The following TACC2 variants were observed in gnomAD, a reference collection of about 807,000 sequenced individuals.
TACC2 encodes the protein transforming acidic coiled-coil-containing protein 2.
In TACC2, 137 loss-of-function variants were observed where a neutral mutation model predicts 227.3. The ratio of observed to expected loss-of-function variants is 0.60; its 90% CI spans 0.52 to 0.69. TACC2 has a LOEUF of 0.69. TACC2 is among the 30% of genes least tolerant of loss of function. TACC2 has a pLI of 0.00. For synonymous variants in TACC2, 1,523 were observed against 1,487.5 expected, an observed-to-expected ratio of 1.02 and a Z score of -0.55; for missense variants, 3,470 against 3,694.4, an observed-to-expected ratio of 0.94 and a Z score of 1.57.
intron 12 of TACC2, 35 bp downstream of exon 12, chr10:122,224,822 C>T (rs746979732): frequency 1.4e-5 from 22 of 1,575,504 alleles, no homozygotes; most frequent in South Asian, 5.5e-5. Context: ...TTAGGGGACT[C>T]GCTTTCCTGC....
intron 16 of TACC2, among the ~76,000 whole-genome samples, chr10:122,234,602 C>T (rs1431509603): frequency 6.6e-6 from 1 of 152,222 alleles, no homozygotes; most frequent in Non-Finnish European, 1.5e-5. Flanking sequence ...GGCAGTAATT[C>T]AAGAGGGCTC....
chr10:122,216,132 G>A (rs2095400867), intron 10 of TACC2, among the ~76,000 whole-genome samples: 1 of 152,130 alleles, frequency 6.6e-6, no homozygotes, highest in South Asian at 2.1e-4. Flanking sequence ...TGGGGATAGG[G>A]GCTCAGGTCC....
At position 122,083,057 on chromosome 10, in the gene TACC2, C is replaced by CCTCCTT. The variant is rs756169189; in HGVS notation, c.568_573dup (p.Phe190_Ser191dup). 1.8e-5 allele frequency: 29 copies of CCTCCTT among 1,612,752 alleles called. 1 individual carries two copies. In the East Asian group the frequency reaches 3.6e-4, roughly 20 times the overall value. On this transcript the variant is annotated inframe_insertion, in exon 4 of 23. Coordinates refer to ENST00000369005, the MANE Select transcript of TACC2 (RefSeq NM_206862.4). Reference sequence around the variant, plus strand: ...CAGCCGAAGGAAGAAGGACAGAAGTCCTCCTTCTCCTTCTCCAGTGGCATC... The same window carrying CCTCCTT: ...CAGCCGAAGGAAGAAGGACAGAAGTCCTCCTTCTCCTTCTCCTTCTCCAGTGGCATC...
At chr10:122,199,018 G>A (rs996366033) in intron 8 of TACC2, among the ~76,000 whole-genome samples, 2 of 152,238 alleles carry the variant, frequency 1.3e-5, no homozygotes, top group Admixed American at 1.3e-4. Flanking sequence ...GCCCTTCAGG[G>A]ACATTGTTCA....
At position 122,050,821 on chromosome 10, in the gene TACC2, T is replaced by G; in HGVS notation, c.146+271T>G. 4 of 421,416 alleles carry G rather than the reference T, an allele frequency of 9.5e-6. No individual in the cohort carries two copies. In the East Asian group the frequency reaches 1.7e-4, roughly 17 times the overall value. 26.1% of individuals were successfully genotyped at this position (421,416 alleles called of 1,614,324 possible). A position where few individuals can be genotyped will look rare whatever the true frequency, so the allele number is the denominator to read the frequency against. On this transcript the variant is annotated intron_variant, in intron 3 of 22. Transcript: ENST00000369005. The surrounding 1 kb of genome is among the most constrained non-coding windows in gnomAD (Gnocchi z 4.6). ...CCAGCCACACTCCAGAGTATCTTCA[T>G]TGTCAGAACTTAAAATGGAAAACAT...
At chr10:122,118,216 T>C (rs2085082588) in intron 5 of TACC2, among the ~76,000 whole-genome samples, 1 of 152,142 alleles carries the variant, frequency 6.6e-6, no homozygotes, top group Non-Finnish European at 1.5e-5. Context: ...AGTTTCACCA[T>C]GTTGGCTGGG....
At chr10:122,230,573 G>A in intron 16 of TACC2, 133 bp downstream of exon 16, 1 of 760,130 alleles carries the variant, frequency 1.3e-6, no homozygotes, top group Non-Finnish European at 2.2e-6. Context: ...CCAAAAAGCT[G>A]AAAGCGTCAC....
chr10:122,022,052 G>A (rs1396697487), intron 2 of TACC2, 38 bp downstream of exon 2: 2 of 1,611,532 alleles, frequency 1.2e-6, no homozygotes, highest in Admixed American at 3.3e-5. Context: ...GCTACGTGGT[G>A]CTCTTGGCAG....
chr10:122,105,849 CT>C (rs2082703647), intron 5 of TACC2, among the ~76,000 whole-genome samples: 1 of 151,828 alleles, frequency 6.6e-6, no homozygotes, highest in African/African-American at 2.4e-5. Flanking sequence ...TCTCGAACTC[CT>C]CACCTCAGGT....
intron 9 of TACC2, among the ~76,000 whole-genome samples, chr10:122,212,274 C>T (rs1312078916): frequency 2.0e-5 from 3 of 152,234 alleles, no homozygotes; most frequent in Admixed American, 6.5e-5. Context: ...TGTCTCCTTC[C>T]TTCTCTCCAG....
At chr10:122,028,108 G>GTTTTT (rs1958330857) in intron 2 of TACC2, among the ~76,000 whole-genome samples, 1 of 36,316 alleles carries the variant, frequency 2.8e-5, no homozygotes, top group Non-Finnish European at 4.1e-5. Context: ...TTTTTTTTGA[G>GTTTTT]ATGGAGTCTC....
chr10:122,139,286 A>T (rs2090173028), intron 6 of TACC2, among the ~76,000 whole-genome samples: 1 of 152,242 alleles, frequency 6.6e-6, no homozygotes, highest in Admixed American at 6.5e-5. Flanking sequence ...GCAGGAGCCC[A>T]GCGCCCGCTG....
intron 8 of TACC2, among the ~76,000 whole-genome samples, chr10:122,198,970 G>A (rs1430162189): frequency 5.9e-5 from 9 of 152,222 alleles, no homozygotes; most frequent in Non-Finnish European, 1.0e-4. Flanking sequence ...GACATGGCAG[G>A]AGAGCTGAGG....
At chr10:122,118,020 T>TC (rs1207327342) in intron 5 of TACC2, among the ~76,000 whole-genome samples, 30 of 150,808 alleles carry the variant, frequency 2.0e-4, no homozygotes, top group African/African-American at 7.3e-4. Flanking sequence ...TTTTTCTTTT[T>TC]TTTTTTTTTT....
intron 8 of TACC2, among the ~76,000 whole-genome samples, chr10:122,207,168 A>G (rs1377243773): frequency 2.0e-5 from 3 of 152,030 alleles, no homozygotes; most frequent in Admixed American, 6.6e-5. Context: ...GCGTGGTGGC[A>G]CACACCTGTA....
intron 18 of TACC2, 175 bp from the exon 19 acceptor site, chr10:122,241,783 G>A (rs958724007): frequency 3.1e-6 from 2 of 651,406 alleles, no homozygotes; most frequent in Non-Finnish European, 2.8e-6. Flanking sequence ...ACAAGGGAGT[G>A]GCATATTTAG....
At chr10:122,220,500 C>T (rs2095502749) in intron 11 of TACC2, among the ~76,000 whole-genome samples, 1 of 152,098 alleles carries the variant, frequency 6.6e-6, no homozygotes, top group Non-Finnish European at 1.5e-5. Flanking sequence ...ACCCAGGGTC[C>T]CCCCAGCATC....
intron 9 of TACC2, among the ~76,000 whole-genome samples, chr10:122,214,626 A>G (rs1466400961): frequency 1.3e-5 from 2 of 152,088 alleles, no homozygotes; most frequent in Non-Finnish European, 2.9e-5. Flanking sequence ...GACTTAATGG[A>G]ACTGCTCAGG....
chr10:122,048,242 C>CT (rs540090194), intron 2 of TACC2, among the ~76,000 whole-genome samples: 29 of 152,238 alleles, frequency 1.9e-4, no homozygotes, highest in African/African-American at 6.7e-4. Context: ...TGGGGGCTGT[C>CT]TGCTTCACCT....
Sources: gnomAD v4.1 joint callset for allele counts (sites outside exome capture counted in the v4.1 genomes callset) on GRCh38, gnomAD v4.1.1 for gene constraint, Gnocchi (gnomAD v3.1) non-coding constraint, MANE v1.5 for transcripts, NCBI Gene and HGNC (gene_info 2026-07-23, HGNC 2026-07-21) for gene names.